TENM2: variants seen among roughly 807,000 people sequenced by gnomAD.
The protein encoded by TENM2 is teneurin transmembrane protein 2.
TENM2 carries 52 observed loss-of-function variants against 245.2 expected under a neutral mutation model. That is an observed-to-expected ratio of 0.21 (90% CI 0.17 to 0.27). The LOEUF (loss-of-function observed/expected upper bound fraction) is 0.27. Among genes scored for constraint, TENM2 ranks in the 10% least tolerant of loss-of-function variants. The pLI is 1.00. For synonymous variants in TENM2, 1,363 were observed against 1,438.9 expected (o/e 0.95, Z 1.19); for missense variants, 3,046 against 3,666.8 (o/e 0.83, Z 4.37).
At chr5:167,700,774 A>T (rs1216227246) in intron 2 of TENM2, among the ~76,000 whole-genome samples, 1 of 152,096 alleles carries the variant, frequency 6.6e-6, no homozygotes, top group Admixed American at 6.6e-5. Context: ...TGGATATCAC[A>T]ATTCGGTCCA....
chr5:167,243,905 G>C, the TENM2 span, among the ~76,000 whole-genome samples: 1 of 152,010 alleles, frequency 6.6e-6, no homozygotes, highest in African/African-American at 2.4e-5. Flanking sequence ...GGCCTTCAAG[G>C]CTTTCTGTTA....
chr5:167,331,876 A>C (rs1445927821), intron 1 of TENM2, among the ~76,000 whole-genome samples: 1 of 152,210 alleles, frequency 6.6e-6, no homozygotes, highest in Non-Finnish European at 1.5e-5. Context: ...AGCCTATCAC[A>C]ATGTAAAATT....
At chr5:167,292,874 A>C (rs1754718959) in intron 1 of TENM2, among the ~76,000 whole-genome samples, 1 of 152,214 alleles carries the variant, frequency 6.6e-6, no homozygotes, top group Non-Finnish European at 1.5e-5. Context: ...TCCTGCATAC[A>C]TTTGAGGGAT....
At chr5:167,640,457 A>G (rs1779481510) in intron 2 of TENM2, among the ~76,000 whole-genome samples, 1 of 151,960 alleles carries the variant, frequency 6.6e-6, no homozygotes, top group African/African-American at 2.4e-5. Flanking sequence ...GCCTCTAACT[A>G]AAAATACAAA....
chr5:168,072,981 A>G (rs905065217), intron 7 of TENM2, among the ~76,000 whole-genome samples: 4 of 152,118 alleles, frequency 2.6e-5, no homozygotes, highest in Non-Finnish European at 5.9e-5. Context: ...CAGTCAAGTG[A>G]TTCCTGTCTC....
the TENM2 span, among the ~76,000 whole-genome samples, chr5:167,195,476 C>T: frequency 6.6e-6 from 1 of 151,996 alleles, no homozygotes; most frequent in Non-Finnish European, 1.5e-5. Context: ...GCCATATGGT[C>T]TCTATCACAA....
In TENM2 at chr5:168,012,661, C is replaced by A. The variant is rs866278147; in HGVS notation, c.1186+19479C>A. 3.9e-3 allele frequency among the ~76,000 whole-genome samples: 413 copies of A among 106,496 alleles called. 1 individual carries two copies. The highest frequency in any genetic ancestry group is 0.011 in the African/African-American group (315 of 28,374). The allele number at this position is 106,496 out of a possible 152,430, so 69.9% of individuals were successfully genotyped here. On this transcript the variant is annotated intron_variant, in intron 5 of 28. Coordinates refer to ENST00000518659, the Ensembl canonical transcript of TENM2. Reference sequence around the variant, plus strand: ...AGACTCTGTCTCAAAAAAAAAAAAACAAAAAAAAAAACTGAAGGTGAGGGG... The same window carrying A: ...AGACTCTGTCTCAAAAAAAAAAAAAAAAAAAAAAAAACTGAAGGTGAGGGG...
At chr5:167,524,957 G>A (rs1560660) in intron 2 of TENM2, among the ~76,000 whole-genome samples, 109,389 of 151,724 alleles carry the variant, frequency 0.72, 40,097 homozygotes, top group East Asian at 0.88. Context: ...TGGTGCCCAC[G>A]GTTACTCTTG....
At chr5:168,118,204 A>G (rs557103963) in intron 9 of TENM2, 88 bp from the exon 12 acceptor site, 1 of 1,150,188 alleles carries the variant, frequency 8.7e-7, no homozygotes. Flanking sequence ...CCAAGCCCCA[A>G]GGCCAGACAG....
chr5:167,207,561 A>G, the TENM2 span, among the ~76,000 whole-genome samples: 1 of 152,306 alleles, frequency 6.6e-6, no homozygotes, highest in South Asian at 2.1e-4. Flanking sequence ...TTGCAGCCAG[A>G]CACGGAGTTA....
chr5:168,162,544 T>G (rs773264806), intron 12 of TENM2, 67 bp from the exon 15 acceptor site: 374 of 1,562,306 alleles, frequency 2.4e-4, no homozygotes, highest in Non-Finnish European at 2.8e-4. Flanking sequence ...CCCCTCTGCA[T>G]GGCTCCCCTG....
At chr5:167,834,310 G>GCTCCTTTT (rs1768775010) in intron 2 of TENM2, among the ~76,000 whole-genome samples, 1 of 152,114 alleles carries the variant, frequency 6.6e-6, no homozygotes, top group African/African-American at 2.4e-5. Context: ...GTAGGTCCTG[G>GCTCCTTTT]CTCCTTTTAT....
intron 5 of TENM2, among the ~76,000 whole-genome samples, chr5:168,025,425 T>C (rs1420991132): frequency 2.0e-5 from 3 of 152,230 alleles, no homozygotes; most frequent in Non-Finnish European, 4.4e-5. Context: ...AGAATCTTTT[T>C]TTTTCTTCAT....
At chr5:168,027,871 G>A (rs1182220838) in intron 5 of TENM2, among the ~76,000 whole-genome samples, 58 of 152,226 alleles carry the variant, frequency 3.8e-4, no homozygotes, top group Non-Finnish European at 1.8e-4. Context: ...AAGAAGTGTA[G>A]CACATAGGTA....
At chr5:167,927,763 G>GA (rs1326626686) in intron 3 of TENM2, among the ~76,000 whole-genome samples, 2 of 152,054 alleles carry the variant, frequency 1.3e-5, no homozygotes, top group African/African-American at 4.8e-5. Flanking sequence ...TTGGTGTCAG[G>GA]AAAAAAACAG....
At chr5:168,053,865 G>T (rs1277779168) in intron 6 of TENM2, among the ~76,000 whole-genome samples, 4 of 152,130 alleles carry the variant, frequency 2.6e-5, no homozygotes, top group Admixed American at 6.5e-5. Flanking sequence ...TTTGATCATA[G>T]ATCTACCAGT....
the TENM2 span, among the ~76,000 whole-genome samples, chr5:167,167,158 A>G: frequency 3.9e-5 from 6 of 152,214 alleles, no homozygotes; most frequent in African/African-American, 1.4e-4. Flanking sequence ...GGGAAGACAC[A>G]AAGCCATAGT....
chr5:167,088,651 A>C, the TENM2 span, among the ~76,000 whole-genome samples: 1 of 149,054 alleles, frequency 6.7e-6, no homozygotes, highest in Non-Finnish European at 1.5e-5. Context: ...AGAAAAAAGA[A>C]AAAAAAACAG....
chr5:167,140,664 T>C, the TENM2 span, among the ~76,000 whole-genome samples: 2 of 152,120 alleles, frequency 1.3e-5, no homozygotes, highest in East Asian at 1.9e-4. Flanking sequence ...TTAGGTAGGA[T>C]AGGGGTGAGC....
Sources: allele counts gnomAD v4.1 joint callset (sites outside exome capture counted in the v4.1 genomes callset), GRCh38; gene constraint gnomAD v4.1.1; transcripts MANE v1.5; gene names NCBI Gene and HGNC (gene_info 2026-07-23, HGNC 2026-07-21).